OR2F1: variants seen among roughly 807,000 people sequenced by gnomAD.
OR2F1 encodes the protein olfactory receptor family 2 subfamily F member 1, also known as olfactory receptor 2F1.
For synonymous variants in OR2F1, 146 were observed against 155.3 expected, an observed-to-expected ratio of 0.94 and a Z score of 0.44; for missense variants, 389 against 378.2, an observed-to-expected ratio of 1.03 and a Z score of -0.24.
chr7:143,960,367 T>C lies in OR2F1; in HGVS notation c.397T>C (p.Ser133Pro). ...YVAVCDALRY[S>P]AIMHGGLCAR... The stretch of plus-strand genomic sequence containing the variant: ...GGCTGTGTGTGATGCCCTGCGATAC[T>C]CGGCCATCATGCATGGAGGGCTGTG... The change falls in exon 3 of 3, where the codon TCG becomes CCG. Residue 133 changes from serine to proline, a missense_variant. Coordinates refer to ENST00000641412, the MANE Select transcript of OR2F1 (RefSeq NM_012369.3). The C allele has an allele frequency of 6.2e-7, 1 of 1,614,190 alleles. No individual in the cohort carries two copies. Among genetic ancestry groups the C allele is most frequent in the Non-Finnish European group, 8.5e-7 (1 of 1,180,036 alleles).
chr7:143,960,782 A>G lies in OR2F1; in HGVS notation c.812A>G (p.Glu271Gly). 6.2e-7 allele frequency: 1 copy of G among 1,614,118 alleles called. No homozygotes were observed. The highest frequency in any genetic ancestry group is 1.7e-5 in the Admixed American group (1 of 60,020). Residue 271 changes from glutamate to glycine, a missense_variant, in exon 3 of 3, where the codon GAG becomes GGG. Transcript: ENST00000641412. ...QPHSSPSVLQ[E>G]KLFSVFYAIL... ...CACTCCAGTCCCTCTGTCCTTCAGG[A>G]GAAGTTGTTCTCTGTCTTTTATGCC...
chr7:143,960,531 G>A lies in OR2F1; in HGVS notation c.561G>A (p.Leu187=), dbSNP rs777917554. 7 of 1,614,196 alleles carry A rather than the reference G, an allele frequency of 4.3e-6. No individual in the cohort carries two copies. Among genetic ancestry groups the A allele is most frequent in the Non-Finnish European group, 5.9e-6 (7 of 1,180,038 alleles). The change falls in exon 3 of 3, where the codon CTG becomes CTA. Residue 187 remains leucine, a synonymous_variant. Transcript: ENST00000641412. ...ISCELLAVVR[L]ACVDTSSNEV... ...GTGAACTCCTAGCTGTGGTCAGGCT[G>A]GCTTGTGTGGACACCTCCTCCAATG...
chr7:143,957,363 G>T (rs1324613634), intron 1 of OR2F1, among the ~76,000 whole-genome samples: 1 of 152,148 alleles, frequency 6.6e-6, no homozygotes, highest in Admixed American at 6.5e-5. Flanking sequence ...GCTAAGTAAA[G>T]AATGCAAATA....
intron 2 of OR2F1, among the ~76,000 whole-genome samples, 190 bp from the exon 3 acceptor site, chr7:143,959,758 C>T (rs537197923): frequency 1.1e-4 from 16 of 152,186 alleles, no homozygotes; most frequent in African/African-American, 3.9e-4. Context: ...CAAATTGTGT[C>T]TTGTAAAGGC....
rs1220958854 is a variant in OR2F1, at chr7:143,961,832, G to A, written c.*908G>A. 1 of 152,184 alleles carries A rather than the reference G, an allele frequency of 6.6e-6. No homozygotes were observed. The highest frequency in any genetic ancestry group is 1.5e-5 in the Non-Finnish European group (1 of 68,040). 9.4% of individuals were successfully genotyped at this position (152,184 alleles called of 1,614,324 possible). On this transcript the variant is annotated 3_prime_UTR_variant, in exon 3 of 3. Transcript: ENST00000641412. ...TTCAGCCAAAGTCAATGAAGGGTAAGATAATTTAATATGAAGTTTGGAACG... is the reference window on the plus strand; with the variant it reads ...TTCAGCCAAAGTCAATGAAGGGTAAAATAATTTAATATGAAGTTTGGAACG...
At position 143,954,900 on chromosome 7, in the gene OR2F1, A is replaced by G. The variant is rs918688259; in HGVS notation, c.-383A>G. 6.6e-6 allele frequency: 1 copy of G among 152,134 alleles called. No individual in the cohort carries two copies. Among genetic ancestry groups the G allele is most frequent in the African/African-American group, 2.4e-5 (1 of 41,434 alleles). 9.4% of individuals were successfully genotyped at this position (152,134 alleles called of 1,614,324 possible). A position where few individuals can be genotyped will look rare whatever the true frequency, so the allele number is the denominator to read the frequency against. On this transcript the variant is annotated 5_prime_UTR_variant, in exon 1 of 3. Transcript: ENST00000641412. Reference sequence around the variant, plus strand: ...AATTGATTTGCTTTACTAAAGAGAGATCTTGACTGATTGAAATTTAACTGT... The same window carrying G: ...AATTGATTTGCTTTACTAAAGAGAGGTCTTGACTGATTGAAATTTAACTGT...
rs772989525 is a variant in OR2F1 at position 143,960,055 on chromosome 7, G to T, written c.85G>T (p.Val29Phe). ...SDWDTRVSLFVLFLVMYVVTV... is the reference protein window; with the variant it reads ...SDWDTRVSLFFLFLVMYVVTV... ...CTGGGACACTCGGGTCTCCCTGTTT[G>T]TCCTGTTCTTGGTCATGTATGTGGT... The change falls in exon 3 of 3, where the codon GTC (valine) becomes TTC (phenylalanine). Residue 29 changes from valine (V) to phenylalanine (F), a missense_variant. Coordinates refer to ENST00000641412, the MANE Select transcript of OR2F1 (RefSeq NM_012369.3). The T allele has an allele frequency of 8.7e-6, 14 of 1,613,966 alleles. No individual in the cohort carries two copies. The highest frequency in any genetic ancestry group is 1.2e-5 in the Non-Finnish European group (14 of 1,180,026).
intron 1 of OR2F1, among the ~76,000 whole-genome samples, chr7:143,955,540 A>G (rs2050278428): frequency 6.6e-6 from 1 of 152,208 alleles, no homozygotes; most frequent in South Asian, 2.1e-4. Flanking sequence ...CATTCACAGA[A>G]TATTTCAATA....
chr7:143,959,855 G>A (rs1433902515), intron 2 of OR2F1, 93 bp from the exon 3 acceptor site: 1 of 789,558 alleles, frequency 1.3e-6, no homozygotes, highest in South Asian at 1.8e-5. Flanking sequence ...TAAAATACCT[G>A]CCTAGGGCTG....
Position 143,963,778 on chromosome 7 carries a change from A to C in OR2F1, c.*2854A>C, listed in dbSNP as rs2050349221. 2 of 152,208 alleles carry C rather than the reference A, an allele frequency of 1.3e-5. No homozygotes were observed. The highest frequency in any genetic ancestry group is 4.1e-4 in the South Asian group (2 of 4,826). 9.4% of individuals were successfully genotyped at this position (152,208 alleles called of 1,614,324 possible). A position where few individuals can be genotyped will look rare whatever the true frequency, so the allele number is the denominator to read the frequency against. ...AGCATCCAGCACAGGAGAAAGATAG[A>C]GGCCAGAAGACTCAGGCAATCTAGT... On this transcript the variant is annotated 3_prime_UTR_variant, in exon 3 of 3. Coordinates refer to ENST00000641412, the MANE Select transcript of OR2F1 (RefSeq NM_012369.3).
Position 143,960,662 on chromosome 7 carries a change from G to C in OR2F1, c.692G>C (p.Arg231Thr). The C allele has an allele frequency of 6.2e-7, 1 of 1,614,104 alleles. No homozygotes were observed. The highest frequency in any genetic ancestry group is 8.5e-7 in the Non-Finnish European group (1 of 1,180,034). ...TCCACCATCCTAAAGATCCAGTCCAGAGAAGGAAGAAAGAAAGCTTTCCAC... is the reference window on the plus strand; with the variant it reads ...TCCACCATCCTAAAGATCCAGTCCACAGAAGGAAGAAAGAAAGCTTTCCAC... ...IISTILKIQS[R>T]EGRKKAFHTC... Residue 231 changes from arginine to threonine, a missense_variant, in exon 3 of 3, where the codon AGA becomes ACA. Arg to Thr is a moderately conservative substitution (Grantham distance 71). Transcript: ENST00000641412.
chr7:143,960,321 G>A lies in OR2F1; in HGVS notation c.351G>A (p.Val117=), dbSNP rs1210962324. 5.6e-6 allele frequency: 9 copies of A among 1,614,036 alleles called. No homozygotes were observed. The highest frequency in any genetic ancestry group is 7.6e-6 in the Non-Finnish European group (9 of 1,180,030). The stretch of plus-strand genomic sequence containing the variant: ...GGATTGAGTTTGTTCTCCTGGCGGT[G>A]ATGGCCTATGACCGCTATGTGGCTG... ...LGGIEFVLLA[V]MAYDRYVAVC... Residue 117 remains valine, a synonymous_variant, in exon 3 of 3, where the codon GTG becomes GTA. Transcript: ENST00000641412.
Position 143,963,464 on chromosome 7 carries a change from C to A in OR2F1, c.*2540C>A, listed in dbSNP as rs1037463330. On this transcript the variant is annotated 3_prime_UTR_variant, in exon 3 of 3. Transcript: ENST00000641412. ...CTATAGTCTCATATTCTGTATTAGT[C>A]AGGTTTCTTTAGAGAGACAAGACTA... 1 of 150,648 alleles carries A rather than the reference C, an allele frequency of 6.6e-6. No individual in the cohort carries two copies. The highest frequency in any genetic ancestry group is 1.9e-4 in the East Asian group (1 of 5,186). The allele number at this position is 150,648 out of a possible 1,614,324, so 9.3% of individuals were successfully genotyped here.
At chr7:143,957,775 C>A (rs1453324814) in intron 1 of OR2F1, among the ~76,000 whole-genome samples, 1 of 152,164 alleles carries the variant, frequency 6.6e-6, no homozygotes, top group Non-Finnish European at 1.5e-5. Context: ...CCTTCAATTC[C>A]TTTAATTTCA....
rs1020238462 is a variant in OR2F1 at position 143,962,338 on chromosome 7, T to A, written c.*1414T>A. ...AAGATGACAATGCTGGCAAATTAAATTTTTATTTTAAGTATTATCAGTGGA... is the reference window on the plus strand; with the variant it reads ...AAGATGACAATGCTGGCAAATTAAAATTTTATTTTAAGTATTATCAGTGGA... On this transcript the variant is annotated 3_prime_UTR_variant, in exon 3 of 3. Coordinates refer to ENST00000641412, the MANE Select transcript of OR2F1 (RefSeq NM_012369.3). 2 of 152,214 alleles carry A rather than the reference T, an allele frequency of 1.3e-5. No individual in the cohort carries two copies. Among genetic ancestry groups the A allele is most frequent in the African/African-American group, 4.8e-5 (2 of 41,450 alleles). 9.4% of individuals were successfully genotyped at this position (152,214 alleles called of 1,614,324 possible). A position where few individuals can be genotyped will look rare whatever the true frequency, so the allele number is the denominator to read the frequency against.
At chr7:143,955,786 T>C (rs1361778595) in intron 1 of OR2F1, among the ~76,000 whole-genome samples, 1 of 152,126 alleles carries the variant, frequency 6.6e-6, no homozygotes, top group Non-Finnish European at 1.5e-5. Context: ...TAGAAAAAAT[T>C]GATTTGATGT....
At chr7:143,956,965 G>C (rs571745961) in intron 1 of OR2F1, among the ~76,000 whole-genome samples, 3 of 152,230 alleles carry the variant, frequency 2.0e-5, no homozygotes, top group South Asian at 2.1e-4. Flanking sequence ...TAATTCTGCC[G>C]ATAGTAAAAA....
chr7:143,958,326 T>C (rs1028039812), intron 1 of OR2F1, among the ~76,000 whole-genome samples: 2 of 151,930 alleles, frequency 1.3e-5, no homozygotes, highest in African/African-American at 4.8e-5. Context: ...ATCAAACGTA[T>C]TCTCAGCCTC....
chr7:143,962,777 A>T lies in OR2F1; in HGVS notation c.*1853A>T, dbSNP rs1285028257. ...GCGTCGAATGTCTAAGTATCTTTTA[A>T]CTTTATTCTAATAGAAAACAATAGT... On this transcript the variant is annotated 3_prime_UTR_variant, in exon 3 of 3. Transcript: ENST00000641412. 1 of 152,202 alleles carries T rather than the reference A, an allele frequency of 6.6e-6. No homozygotes were observed. The highest frequency in any genetic ancestry group is 1.5e-5 in the Non-Finnish European group (1 of 68,038). The allele number at this position is 152,202 out of a possible 1,614,324, so 9.4% of individuals were successfully genotyped here.
Sources: allele counts gnomAD v4.1 joint callset (sites outside exome capture counted in the v4.1 genomes callset), GRCh38; gene constraint gnomAD v4.1.1; transcripts MANE v1.5; gene names NCBI Gene and HGNC (gene_info 2026-07-23, HGNC 2026-07-21).